The following DPYSL3 variants were observed in gnomAD, a reference collection of about 807,000 sequenced individuals.
DPYSL3 encodes dihydropyrimidinase like 3.
A neutral mutation model predicts 66.1 loss-of-function variants in DPYSL3; 16 were observed. The observed-to-expected ratio is 0.24, with a 90% CI of 0.16 to 0.37. The LOEUF (loss-of-function observed/expected upper bound fraction) is 0.37, where lower values mean the gene tolerates loss of function less well. Ranked by LOEUF, DPYSL3 falls within the 10% of genes least tolerant of loss-of-function variation. The pLI is 1.00. For missense variants in DPYSL3, 738 were observed against 916.2 expected, an observed-to-expected ratio of 0.81 and a Z score of 2.51; for synonymous variants, 338 against 345.1, an observed-to-expected ratio of 0.98 and a Z score of 0.23.
At chr5:147,438,484 C>G (rs1462938117) in intron 1 of DPYSL3, among the ~76,000 whole-genome samples, 3 of 152,206 alleles carry the variant, frequency 2.0e-5, no homozygotes, top group Non-Finnish European at 4.4e-5. Flanking sequence ...TTTACTCATA[C>G]TAGGCACCTC....
chr5:147,463,420 G>A (rs184455267), intron 1 of DPYSL3, among the ~76,000 whole-genome samples: 101 of 152,232 alleles, frequency 6.6e-4, no homozygotes, highest in African/African-American at 2.0e-3. Flanking sequence ...CCTAGGCAGC[G>A]TTGACTTGGA....
At chr5:147,481,695 A>G (rs1320461286) in intron 1 of DPYSL3, among the ~76,000 whole-genome samples, 1 of 152,196 alleles carries the variant, frequency 6.6e-6, no homozygotes, top group Non-Finnish European at 1.5e-5. Flanking sequence ...TGGCAATTAT[A>G]AAAGAGCTTG....
chr5:147,406,877 G>A (rs1296773110), intron 7 of DPYSL3, among the ~76,000 whole-genome samples: 1 of 152,150 alleles, frequency 6.6e-6, no homozygotes, highest in African/African-American at 2.4e-5. Context: ...GTCCATTGTG[G>A]GTGTAGCTCA....
chr5:147,453,182 A>C (rs774404452), intron 1 of DPYSL3, among the ~76,000 whole-genome samples: 1 of 152,126 alleles, frequency 6.6e-6, no homozygotes, highest in Non-Finnish European at 1.5e-5. Context: ...GGATCCTTAG[A>C]CAAAAAGCAC....
intron 4 of DPYSL3, 66 bp from the exon 5 acceptor site, chr5:147,413,723 T>C (rs1296050757): frequency 1.7e-5 from 23 of 1,328,134 alleles, no homozygotes; most frequent in Admixed American, 5.5e-5. Context: ...CCTCCATCCT[T>C]TGCTCCCACT....
At chr5:147,445,624 G>A (rs1752616528) in intron 1 of DPYSL3, among the ~76,000 whole-genome samples, 1 of 152,084 alleles carries the variant, frequency 6.6e-6, no homozygotes. Flanking sequence ...GGGCCTTTGG[G>A]GGTAGATTAT....
chr5:147,438,967 G>T (rs1393427804), intron 1 of DPYSL3, among the ~76,000 whole-genome samples: 1 of 152,160 alleles, frequency 6.6e-6, no homozygotes, highest in Non-Finnish European at 1.5e-5. Context: ...ATACAGTGGG[G>T]TATGACACAG....
At chr5:147,497,921 T>A (rs1753545947) in intron 1 of DPYSL3, among the ~76,000 whole-genome samples, 1 of 151,968 alleles carries the variant, frequency 6.6e-6, no homozygotes, top group Non-Finnish European at 1.5e-5. Context: ...TCTCTTTCTC[T>A]CTCTCTCTCT....
At position 147,417,465 on chromosome 5, in the gene DPYSL3, C is replaced by T. The variant is rs74820250; in HGVS notation, c.655+982G>A. 2.2e-3 allele frequency among the ~76,000 whole-genome samples: 334 copies of T among 152,326 alleles called. 2 individuals carry two copies. Among genetic ancestry groups the T allele is most frequent in the African/African-American group, 7.7e-3 (322 of 41,576 alleles). On this transcript the variant is annotated intron_variant, in intron 3 of 13. Transcript: ENST00000343218. The stretch of plus-strand genomic sequence containing the variant: ...TTGGTGCAATTTTTCTGGGCTTCCA[C>T]ACCCAACTAGCTGAAGCTGAACCCT...
chr5:147,411,944 C>G (rs113022375), intron 6 of DPYSL3, among the ~76,000 whole-genome samples: 1 of 152,136 alleles, frequency 6.6e-6, no homozygotes, highest in African/African-American at 2.4e-5. Context: ...GCTGTCTCCT[C>G]CTAGCAAAGG....
At chr5:147,465,692 C>A (rs1752999811) in intron 1 of DPYSL3, among the ~76,000 whole-genome samples, 1 of 152,210 alleles carries the variant, frequency 6.6e-6, no homozygotes. Flanking sequence ...CGACCCAGGG[C>A]ATATGACCCG....
In DPYSL3 at chr5:147,392,987, G is replaced by A. The variant is rs1357093385; in HGVS notation, c.*1048C>T. ...TCAAAAACTCCTATTTATCATGGAT[G>A]TGCCAGGATCGAGAGAATCAAACAC... On this transcript the variant is annotated 3_prime_UTR_variant, in exon 14 of 14. Coordinates refer to ENST00000343218, the MANE Select transcript of DPYSL3 (RefSeq NM_001197294.2). 1 of 152,214 alleles carries A rather than the reference G, an allele frequency of 6.6e-6. No homozygotes were observed. Among genetic ancestry groups the A allele is most frequent in the Non-Finnish European group, 1.5e-5 (1 of 68,048 alleles). 9.4% of individuals were successfully genotyped at this position (152,214 alleles called of 1,614,324 possible).
chr5:147,396,807 T>C (rs1757988518), intron 12 of DPYSL3, among the ~76,000 whole-genome samples: 3 of 151,328 alleles, frequency 2.0e-5, no homozygotes, highest in Admixed American at 2.0e-4. Flanking sequence ...AATCCTAGGG[T>C]AGGGCTAATA....
intron 1 of DPYSL3, among the ~76,000 whole-genome samples, chr5:147,446,583 C>G (rs1005119263): frequency 1.3e-5 from 2 of 152,112 alleles, no homozygotes; most frequent in Non-Finnish European, 2.9e-5. Flanking sequence ...AATGTTTCTC[C>G]GCGTGACTGA....
At chr5:147,430,213 G>A (rs1039430807) in intron 1 of DPYSL3, among the ~76,000 whole-genome samples, 4 of 151,924 alleles carry the variant, frequency 2.6e-5, no homozygotes, top group Non-Finnish European at 5.9e-5. Context: ...AGAAGGATGG[G>A]GGCCAGGTGT....
chr5:147,480,778 A>C (rs1414970552), intron 1 of DPYSL3, among the ~76,000 whole-genome samples: 2 of 150,598 alleles, frequency 1.3e-5, no homozygotes, highest in African/African-American at 2.4e-5. Context: ...GCTGGAGTGC[A>C]ATGGCGCGAT....
intron 2 of DPYSL3, among the ~76,000 whole-genome samples, chr5:147,420,696 C>A (rs531449968): frequency 6.6e-6 from 1 of 152,310 alleles, no homozygotes; most frequent in South Asian, 2.1e-4. Context: ...TGGAGACATA[C>A]AAAATTTCAG....
intron 1 of DPYSL3, among the ~76,000 whole-genome samples, chr5:147,483,973 C>T (rs1272704230): frequency 6.6e-6 from 1 of 152,196 alleles, no homozygotes; most frequent in Admixed American, 6.5e-5. Flanking sequence ...CACTTTCCAT[C>T]TCTGTCTTTG....
At chr5:147,431,346 A>G (rs74333037) in intron 1 of DPYSL3, among the ~76,000 whole-genome samples, 4 of 152,068 alleles carry the variant, frequency 2.6e-5, no homozygotes, top group Admixed American at 2.0e-4. Flanking sequence ...TGCAGACATG[A>G]GCTTGACTTC....
Sources: gnomAD v4.1 joint callset for allele counts (sites outside exome capture counted in the v4.1 genomes callset) on GRCh38, gnomAD v4.1.1 for gene constraint, MANE v1.5 for transcripts, NCBI Gene and HGNC (gene_info 2026-07-23, HGNC 2026-07-21) for gene names.